PCNX2: variants seen among roughly 807,000 people sequenced by gnomAD.
PCNX2 encodes the protein pecanex-like protein 2.
PCNX2 carries 168 observed loss-of-function variants against 223.8 expected under a neutral mutation model. The ratio of observed to expected loss-of-function variants is 0.75; its 90% CI spans 0.66 to 0.85. PCNX2 has a LOEUF of 0.85. Ranked by LOEUF, PCNX2 falls within the 40% of genes least tolerant of loss-of-function variation. The probability of loss-of-function intolerance (pLI) is 0.00; values close to 1 mark genes in which losing one functional copy is unlikely to be tolerated. For synonymous variants in PCNX2, 1,006 were observed against 1,052.6 expected, an observed-to-expected ratio of 0.96 and a Z score of 0.86; for missense variants, 2,507 against 2,675.5, an observed-to-expected ratio of 0.94 and a Z score of 1.39.
At chr1:233,060,903 T>C (rs575084399) in intron 23 of PCNX2, among the ~76,000 whole-genome samples, 6 of 152,322 alleles carry the variant, frequency 3.9e-5, no homozygotes, top group African/African-American at 1.4e-4. Context: ...TCTTTTATGT[T>C]AATACAAAAT....
intron 23 of PCNX2, among the ~76,000 whole-genome samples, chr1:233,074,347 C>T (rs1484909439): frequency 1.3e-5 from 2 of 152,216 alleles, no homozygotes; most frequent in Admixed American, 6.5e-5. Context: ...GTAATCCCAG[C>T]ACTTTGGGAG....
chr1:233,205,331 T>C (rs1396771471), intron 13 of PCNX2, among the ~76,000 whole-genome samples: 1 of 152,250 alleles, frequency 6.6e-6, no homozygotes, highest in African/African-American at 2.4e-5. Context: ...AAATGGACTA[T>C]AGCCTTATCT....
At chr1:233,101,419 T>TA (rs1333486405) in intron 21 of PCNX2, among the ~76,000 whole-genome samples, 1 of 152,046 alleles carries the variant, frequency 6.6e-6, no homozygotes. Context: ...TTTTGTAAAG[T>TA]AAAAAACATC....
the PCNX2 span, among the ~76,000 whole-genome samples, chr1:233,321,608 T>C: frequency 2.6e-5 from 4 of 152,246 alleles, no homozygotes; most frequent in Non-Finnish European, 5.9e-5. Flanking sequence ...AAGTGCTTTT[T>C]CTTTAAAATG....
intron 13 of PCNX2, 117 bp from the exon 14 acceptor site, chr1:233,200,381 A>G (rs548972923): frequency 8.2e-5 from 35 of 429,196 alleles, no homozygotes; most frequent in African/African-American, 8.0e-4. Flanking sequence ...ACTGGAGGCA[A>G]TCTTTTTTTT....
At chr1:233,285,106 A>G in intron 1 of PCNX2, 3 of 755,812 alleles carry the variant, frequency 4.0e-6, no homozygotes, top group Non-Finnish European at 4.8e-6. Flanking sequence ...TAATCCCAAC[A>G]CTTCGGGAGG....
intron 25 of PCNX2, among the ~76,000 whole-genome samples, chr1:233,045,658 T>C (rs956124926): frequency 1.1e-4 from 17 of 152,234 alleles, no homozygotes; most frequent in Admixed American, 2.0e-4. Context: ...ACGTGAAATC[T>C]TGGCTTTGTT....
chr1:233,124,683 T>C (rs1447855077), intron 21 of PCNX2, among the ~76,000 whole-genome samples: 2 of 152,258 alleles, frequency 1.3e-5, no homozygotes, highest in Non-Finnish European at 2.9e-5. Context: ...TCAATTCTTG[T>C]ACTAAAAGTG....
chr1:233,029,812 ACTCT>A (rs34991339), intron 25 of PCNX2, among the ~76,000 whole-genome samples: 33,026 of 151,662 alleles, frequency 0.22, 3,810 homozygotes, highest in African/African-American at 0.29. Flanking sequence ...GTGTTTTTAA[ACTCT>A]CTCATGCTCT....
intron 21 of PCNX2, among the ~76,000 whole-genome samples, chr1:233,110,383 G>A (rs774929233): frequency 5.3e-5 from 8 of 152,162 alleles, no homozygotes; most frequent in African/African-American, 1.2e-4. Flanking sequence ...AGATGGCTGG[G>A]AGAACTGCCA....
Position 233,067,719 on chromosome 1 carries a change from G to A in PCNX2, c.4077-10429C>T, listed in dbSNP as rs981559100. 1.4e-4 allele frequency among the ~76,000 whole-genome samples: 22 copies of A among 151,990 alleles called. No homozygotes were observed. In the East Asian group the frequency reaches 1.6e-3, roughly 11 times the overall value. ...AACTCCTGAGCTCAAGTGATCCACC[G>A]GCCTCGGCCTCCCAAAGTGCTGGGA... On this transcript the variant is annotated intron_variant, in intron 23 of 33. Coordinates refer to ENST00000258229, the MANE Select transcript of PCNX2 (RefSeq NM_014801.4).
intron 21 of PCNX2, among the ~76,000 whole-genome samples, chr1:233,113,620 CAGT>C (rs1675243383): frequency 6.6e-6 from 1 of 152,248 alleles, no homozygotes; most frequent in Non-Finnish European, 1.5e-5. Flanking sequence ...AGAAATACAG[CAGT>C]GGTCTCACCA....
intron 15 of PCNX2, among the ~76,000 whole-genome samples, chr1:233,185,398 C>G (rs896250972): frequency 6.6e-6 from 1 of 152,062 alleles, no homozygotes; most frequent in African/African-American, 2.4e-5. Context: ...ATTCAGTGCT[C>G]CATGTACCCC....
intron 17 of PCNX2, among the ~76,000 whole-genome samples, chr1:233,168,609 G>C (rs1269045564): frequency 6.6e-6 from 1 of 152,008 alleles, no homozygotes; most frequent in Non-Finnish European, 1.5e-5. Context: ...AACATCCCTT[G>C]ACTGCTACTA....
At chr1:233,301,009 A>T in the PCNX2 span, among the ~76,000 whole-genome samples, 1 of 152,196 alleles carries the variant, frequency 6.6e-6, no homozygotes, top group South Asian at 2.1e-4. Flanking sequence ...GGCTCTGAGT[A>T]TAAGCAAGTA....
Position 232,984,421 on chromosome 1 carries a change from G to A in PCNX2, c.6297C>T (p.Asp2099=). The change falls in exon 34 of 34, where the codon GAC becomes GAT. Residue 2099 remains aspartate (D), a synonymous_variant. Coordinates refer to ENST00000258229, the MANE Select transcript of PCNX2 (RefSeq NM_014801.4). The stretch of plus-strand genomic sequence containing the variant: ...CCGCCACAGCCTCAGCCAGACATCG[G>A]TCATGAAGCTGCCCCTGCTCGGTGG... ...PDATEQGQLH[D]RCLAEAVADT... 1 of 1,613,718 alleles carries A rather than the reference G, an allele frequency of 6.2e-7. No homozygotes were observed. Among genetic ancestry groups the A allele is most frequent in the Non-Finnish European group, 8.5e-7 (1 of 1,179,840 alleles).
chr1:233,042,730 G>A (rs183562470), intron 25 of PCNX2, among the ~76,000 whole-genome samples: 6 of 152,348 alleles, frequency 3.9e-5, no homozygotes, highest in Non-Finnish European at 7.3e-5. Context: ...GACAGGCCAA[G>A]TCCCTAGTGA....
chr1:233,000,161 C>A lies in PCNX2; in HGVS notation c.5328+144G>T. On this transcript the variant is annotated intron_variant, in intron 30 of 33. Transcript: ENST00000258229. This position sits in a 1 kb window ranked among gnomAD's most constrained non-coding sequence, Gnocchi z 4.6. ...ATGCCCTGCCCCACTTGCCAGCCAG[C>A]GCTCCTTCCAGAACATCCCTCTGAA... is the stretch of plus-strand genomic sequence containing the variant. 2 of 855,878 alleles carry A rather than the reference C, an allele frequency of 2.3e-6. No individual in the cohort carries two copies. The highest frequency in any genetic ancestry group is 3.8e-6 in the Non-Finnish European group (2 of 528,290). The allele number at this position is 855,878 out of a possible 1,614,324, so 53.0% of individuals were successfully genotyped here.
At chr1:233,078,554 C>A (rs1481379782) in intron 23 of PCNX2, among the ~76,000 whole-genome samples, 6 of 152,192 alleles carry the variant, frequency 3.9e-5, no homozygotes, top group African/African-American at 1.4e-4. Flanking sequence ...GGGTTCTGCC[C>A]TCCTGCTGTA....
Sources: gnomAD v4.1 joint callset for allele counts (sites outside exome capture counted in the v4.1 genomes callset) on GRCh38, gnomAD v4.1.1 for gene constraint, Gnocchi (gnomAD v3.1) non-coding constraint, MANE v1.5 for transcripts, NCBI Gene and HGNC (gene_info 2026-07-23, HGNC 2026-07-21) for gene names.